IMMP1L: variants seen among roughly 807,000 people sequenced by gnomAD.
IMMP1L encodes mitochondrial inner membrane protease subunit 1.
In IMMP1L, 24 loss-of-function variants were observed where a neutral mutation model predicts 21.8. The ratio of observed to expected loss-of-function variants is 1.10; its 90% CI spans 0.80 to 1.55. The LOEUF (loss-of-function observed/expected upper bound fraction) is 1.55. IMMP1L is among the 40% of genes most tolerant of loss of function. IMMP1L has a pLI of 0.00. For synonymous variants in IMMP1L, 46 were observed against 62.8 expected (o/e 0.73, Z 1.26); for missense variants, 195 against 200.7 (o/e 0.97, Z 0.17).
At chr11:31,469,812 G>A (rs1211321234) in intron 1 of IMMP1L, 1 of 152,078 alleles carries the variant, frequency 6.6e-6, no homozygotes, top group Non-Finnish European at 1.5e-5. Flanking sequence ...AAAAGACAAT[G>A]AGAAAAGTTT....
chr11:31,492,722 A>G (rs974718050), intron 1 of IMMP1L, among the ~76,000 whole-genome samples: 17 of 152,254 alleles, frequency 1.1e-4, no homozygotes, highest in Middle Eastern at 3.4e-3. Flanking sequence ...CAATGAAGTG[A>G]ATAGGGAGTG....
chr11:31,471,627 T>C (rs1187718056), intron 1 of IMMP1L, among the ~76,000 whole-genome samples: 1 of 152,056 alleles, frequency 6.6e-6, no homozygotes, highest in Non-Finnish European at 1.5e-5. Flanking sequence ...GGAAGAAAAA[T>C]ATGAGTTAAC....
At chr11:31,484,167 AACT>A (rs1954994719) in intron 1 of IMMP1L, among the ~76,000 whole-genome samples, 2 of 151,940 alleles carry the variant, frequency 1.3e-5, no homozygotes, top group Non-Finnish European at 2.9e-5. Flanking sequence ...AACTATTTTC[AACT>A]ACTAACATAT....
At chr11:31,488,753 C>T (rs932366052) in intron 1 of IMMP1L, among the ~76,000 whole-genome samples, 1 of 152,004 alleles carries the variant, frequency 6.6e-6, no homozygotes, top group Non-Finnish European at 1.5e-5. Context: ...AACCTTGTGA[C>T]CAGTTATAAT....
chr11:31,456,361 G>T lies in IMMP1L; in HGVS notation c.220C>A (p.Pro74Thr). ...CAAATATTTGATTTTGGATCACTTG[G>T]GCTTTTTGCAATCACAATGTCACCT... ...QRGDIVIAKS[P>T]SDPKSNICKR... The change falls in exon 4 of 6, where the codon CCA becomes ACA. Residue 74 changes from proline to threonine, a missense_variant. Coordinates refer to ENST00000532287, the MANE Select transcript of IMMP1L (RefSeq NM_001304274.2). 4.3e-6 allele frequency: 7 copies of T among 1,611,078 alleles called. No individual in the cohort carries two copies. Among genetic ancestry groups the T allele is most frequent in the Non-Finnish European group, 5.9e-6 (7 of 1,177,966 alleles).
intron 1 of IMMP1L, among the ~76,000 whole-genome samples, chr11:31,496,980 GATA>G (rs1323957103): frequency 2.4e-5 from 3 of 123,050 alleles, no homozygotes; most frequent in East Asian, 4.4e-4. Flanking sequence ...TATTATATAT[GATA>G]ATCTTATATC....
chr11:31,461,938 A>T (rs571749377), intron 2 of IMMP1L, among the ~76,000 whole-genome samples: 4 of 152,282 alleles, frequency 2.6e-5, no homozygotes, highest in African/African-American at 9.6e-5. Flanking sequence ...AAAAGTTCCT[A>T]CTCAGGCAGA....
intron 1 of IMMP1L, among the ~76,000 whole-genome samples, chr11:31,484,552 A>C (rs999290154): frequency 5.3e-5 from 8 of 151,916 alleles, no homozygotes; most frequent in Non-Finnish European, 1.0e-4. Context: ...ATCTTTTGCT[A>C]CCACACACAA....
chr11:31,446,353 T>C (rs1209101085), intron 4 of IMMP1L, among the ~76,000 whole-genome samples: 1 of 152,170 alleles, frequency 6.6e-6, no homozygotes, highest in Non-Finnish European at 1.5e-5. Context: ...CATCCTCTAA[T>C]AGTCTACACT....
At chr11:31,491,546 G>T (rs1955257386) in intron 1 of IMMP1L, among the ~76,000 whole-genome samples, 1 of 152,196 alleles carries the variant, frequency 6.6e-6, no homozygotes, top group Non-Finnish European at 1.5e-5. Context: ...CAAGCAAAGT[G>T]TTAAAGGCGT....
chr11:31,472,521 ATG>A (rs1954590179), intron 1 of IMMP1L, among the ~76,000 whole-genome samples: 1 of 152,220 alleles, frequency 6.6e-6, no homozygotes, highest in Non-Finnish European at 1.5e-5. Flanking sequence ...ACCATGTACC[ATG>A]TGTGCTGTGA....
intron 1 of IMMP1L, among the ~76,000 whole-genome samples, chr11:31,497,211 C>T (rs1162824304): frequency 6.6e-6 from 1 of 151,348 alleles, no homozygotes; most frequent in Non-Finnish European, 1.5e-5. Flanking sequence ...AGTCAAAGAG[C>T]ATCTGCAATA....
chr11:31,469,401 C>T (rs1188069320), intron 1 of IMMP1L, among the ~76,000 whole-genome samples: 7 of 151,724 alleles, frequency 4.6e-5, no homozygotes. Flanking sequence ...GACCTAAAAT[C>T]TATTAAAAAT....
chr11:31,485,557 A>C (rs16922194), intron 1 of IMMP1L, among the ~76,000 whole-genome samples: 3,055 of 151,984 alleles, frequency 0.02, 91 homozygotes, highest in African/African-American at 0.069. Context: ...AAATGCTAGC[A>C]CACATTCTCT....
intron 1 of IMMP1L, among the ~76,000 whole-genome samples, chr11:31,500,691 A>G (rs1955592559): frequency 1.3e-5 from 2 of 152,068 alleles, no homozygotes; most frequent in South Asian, 4.1e-4. Flanking sequence ...AAATACATAA[A>G]GCTGTAGACA....
intron 4 of IMMP1L, among the ~76,000 whole-genome samples, chr11:31,447,264 T>C (rs1178942641): frequency 6.6e-6 from 1 of 152,120 alleles, no homozygotes; most frequent in Admixed American, 6.6e-5. Context: ...CCCTTAGATG[T>C]CCCCCCTCCC....
chr11:31,484,522 T>C (rs944602790), intron 1 of IMMP1L, among the ~76,000 whole-genome samples: 1 of 151,938 alleles, frequency 6.6e-6, no homozygotes, highest in South Asian at 2.1e-4. Context: ...ACGTTGCCTA[T>C]AGACACTAAG....
intron 4 of IMMP1L, among the ~76,000 whole-genome samples, chr11:31,441,359 AAG>A (rs1446046442): frequency 6.6e-5 from 10 of 150,398 alleles, no homozygotes; most frequent in African/African-American, 2.4e-4. Context: ...GTAGTGTGGA[AAG>A]AGAGTTAACC....
intron 1 of IMMP1L, among the ~76,000 whole-genome samples, chr11:31,501,146 A>T (rs1431828930): frequency 2.0e-5 from 3 of 152,202 alleles, no homozygotes; most frequent in Non-Finnish European, 4.4e-5. Flanking sequence ...TCAACATAGG[A>T]GGTTCTACTG....
Sources: allele counts gnomAD v4.1 joint callset (sites outside exome capture counted in the v4.1 genomes callset), GRCh38; gene constraint gnomAD v4.1.1; transcripts MANE v1.5; gene names NCBI Gene and HGNC (gene_info 2026-07-23, HGNC 2026-07-21).